Variants in CHRNA6 observed in about 807,000 individuals in gnomAD.
CHRNA6 encodes cholinergic receptor nicotinic alpha 6 subunit.
CHRNA6 carries 31 observed loss-of-function variants against 40.9 expected under a neutral mutation model. That is an observed-to-expected ratio of 0.76 (90% confidence interval 0.57 to 1.02). The LOEUF is 1.02. CHRNA6 is among the 50% of genes least tolerant of loss of function. The pLI is 0.00. For synonymous variants in CHRNA6, 222 were observed against 221.3 expected, an observed-to-expected ratio of 1.00 and a Z score of -0.03; for missense variants, 546 against 596.6, an observed-to-expected ratio of 0.92 and a Z score of 0.88.
chr8:42,753,389 G>C (rs1252710019), intron 5 of CHRNA6, 79 bp from the exon 6 acceptor site: 2 of 1,316,050 alleles, frequency 1.5e-6, no homozygotes, highest in Non-Finnish European at 2.1e-6. Flanking sequence ...TCAATAAGCT[G>C]CTTCTTTTTT....
intron 2 of CHRNA6, among the ~76,000 whole-genome samples, chr8:42,761,861 C>A (rs1050440321): frequency 2.6e-5 from 4 of 152,218 alleles, no homozygotes; most frequent in Admixed American, 2.6e-4. Context: ...CAAATGGACT[C>A]ATTTCTGGAG....
At chr8:42,766,846 A>T (rs1816982940) in intron 1 of CHRNA6, among the ~76,000 whole-genome samples, 1 of 152,248 alleles carries the variant, frequency 6.6e-6, no homozygotes, top group Non-Finnish European at 1.5e-5. Flanking sequence ...TTACCTATGT[A>T]ACAAAGCTGC....
At position 42,768,538 on chromosome 8, in the gene CHRNA6, C is replaced by T; in HGVS notation, c.-108G>A. 4.0e-6 allele frequency: 3 copies of T among 749,504 alleles called. No individual in the cohort carries two copies. 46.4% of individuals were successfully genotyped at this position (749,504 alleles called of 1,614,324 possible). On this transcript the variant is annotated 5_prime_UTR_variant, in exon 1 of 6. Transcript: ENST00000276410. ...CCTTGACATCATCAGAAGCCCACTG[C>T]AATCCGTGTGTGTCTTCTCAGAAAT... is the stretch of plus-strand genomic sequence containing the variant.
intron 5 of CHRNA6, among the ~76,000 whole-genome samples, chr8:42,755,269 A>ATGTTTGTT (rs111982947): frequency 0.33 from 48,889 of 148,126 alleles, 11,130 homozygotes; most frequent in African/African-American, 0.65. Flanking sequence ...GTTGCCCTGA[A>ATGTTTGTT]TGTTTGTTTG....
chr8:42,755,386 C>A (rs1816782244), intron 5 of CHRNA6, among the ~76,000 whole-genome samples: 1 of 152,124 alleles, frequency 6.6e-6, no homozygotes, highest in Non-Finnish European at 1.5e-5. Context: ...AAGCGATTCT[C>A]CTGCCTCAAC....
At chr8:42,764,819 A>G (rs1218547353) in intron 2 of CHRNA6, among the ~76,000 whole-genome samples, 1 of 152,162 alleles carries the variant, frequency 6.6e-6, no homozygotes, top group Non-Finnish European at 1.5e-5. Context: ...CCGTGAAGTT[A>G]GCTCCCTTTC....
At chr8:42,755,787 A>T in intron 5 of CHRNA6, 59 bp downstream of exon 5, 5 of 1,545,006 alleles carry the variant, frequency 3.2e-6, no homozygotes, top group Middle Eastern at 1.7e-4. Context: ...CTGTGCATCC[A>T]GAGTGCCCAT....
At chr8:42,765,348 C>T in intron 1 of CHRNA6, 144 bp from the exon 2 acceptor site, 1 of 832,292 alleles carries the variant, frequency 1.2e-6, no homozygotes. Context: ...CCTGTGCGTG[C>T]TCCACCAGTG....
Position 42,755,832 on chromosome 8 carries a change from G to A in CHRNA6, c.1353+14C>T, listed in dbSNP as rs773263212. The A allele has an allele frequency of 8.1e-6, 13 of 1,605,882 alleles. No homozygotes were observed. The African/African-American group carries it at 1.6e-4, about 20-fold the overall frequency. On this transcript the variant is annotated intron_variant, in intron 5 of 5. Transcript: ENST00000276410. Reference sequence around the variant, plus strand: ...AGGGTGCAAGCTGGCTGGGTGGAGGGAACACACATTTACCTCCTTGGTTTC... The same window carrying A: ...AGGGTGCAAGCTGGCTGGGTGGAGGAAACACACATTTACCTCCTTGGTTTC...
chr8:42,759,110 C>G lies in CHRNA6; in HGVS notation c.223G>C (p.Glu75Gln), dbSNP rs1384520170. Residue 75 changes from glutamate (E) to glutamine (Q), a missense_variant, in exon 3 of 6, where the codon GAA becomes CAA. By Grantham distance (29) the Glu-to-Gln change is conservative. This residue lies in a region of CHRNA6 where 476 missense variants were observed against 494.5 expected (regional missense o/e 0.96). Coordinates refer to ENST00000276410, the MANE Select transcript of CHRNA6 (RefSeq NM_004198.3). ...TTGGTTTCCATGATCTGGTTTACTT[C>G]ATCCTGGGAAGAAGAAATAATACTT... Reference protein sequence around the residue: ...VAITQLANVDEVNQIMETNLW... With the variant: ...VAITQLANVDQVNQIMETNLW... 1 of 1,612,722 alleles carries G rather than the reference C, an allele frequency of 6.2e-7. No individual in the cohort carries two copies. The highest frequency in any genetic ancestry group is 1.7e-5 in the Admixed American group (1 of 60,006).
intron 3 of CHRNA6, among the ~76,000 whole-genome samples, chr8:42,757,902 G>T (rs943188115): frequency 1.3e-5 from 2 of 151,752 alleles, no homozygotes; most frequent in African/African-American, 4.8e-5. Flanking sequence ...GGGCGTGGTG[G>T]CGGGCCCCTG....
rs147326892 is a variant in CHRNA6 at position 42,768,628 on chromosome 8, C to T, written c.-198G>A. On this transcript the variant is annotated 5_prime_UTR_variant, in exon 1 of 6. Transcript: ENST00000276410. ...CAGAGACTGAGGCAGACATGAAGGG[C>T]GAATAAAAAAGATTCGATCTGATGT... The T allele has an allele frequency of 6.0e-4, 286 of 474,804 alleles. No homozygotes were observed. The highest frequency in any genetic ancestry group is 4.8e-3 in the African/African-American group (251 of 51,958). The allele number at this position is 474,804 out of a possible 1,614,324, so 29.4% of individuals were successfully genotyped here. A position where few individuals can be genotyped will look rare whatever the true frequency, so the allele number is the denominator to read the frequency against.
At chr8:42,759,498 C>T in intron 2 of CHRNA6, 1 of 199,268 alleles carries the variant, frequency 5.0e-6, no homozygotes, top group Non-Finnish European at 1.1e-5. Context: ...CAACCCCGCA[C>T]AGTGTTTTTG....
rs146330757 is a variant in CHRNA6 at position 42,755,889 on chromosome 8, T to C, written c.1310A>G (p.Gln437Arg). Residue 437 changes from glutamine (Q) to arginine (R), a missense_variant, in exon 5 of 6, where the codon CAG becomes CGG. Around this residue, in one of 3 missense-constraint regions of CHRNA6, gnomAD observed 65 missense variants for 83.8 expected, o/e 0.78. Coordinates refer to ENST00000276410, the MANE Select transcript of CHRNA6 (RefSeq NM_004198.3). ...GCTCTTCATGTTTTCTGCTATGAAC[T>C]GAACACTGTTAATCACATCTTCAAC... ...PEVEDVINSV[Q>R]FIAENMKSHN... 111 of 1,614,136 alleles carry C rather than the reference T, an allele frequency of 6.9e-5. No homozygotes were observed. The highest frequency in any genetic ancestry group is 8.9e-5 in the Non-Finnish European group (105 of 1,180,038).
chr8:42,766,289 G>C (rs1056131903), intron 1 of CHRNA6, among the ~76,000 whole-genome samples: 4 of 152,082 alleles, frequency 2.6e-5, no homozygotes, highest in Non-Finnish European at 5.9e-5. Flanking sequence ...TCAGGAGATC[G>C]AGACCATCCT....
At chr8:42,765,731 C>T (rs1451778208) in intron 1 of CHRNA6, among the ~76,000 whole-genome samples, 2 of 152,180 alleles carry the variant, frequency 1.3e-5, no homozygotes, top group Non-Finnish European at 2.9e-5. Context: ...CTTCGCAAGT[C>T]ATGTTCTTTT....
At position 42,756,193 on chromosome 8, in the gene CHRNA6, T is replaced by C. The variant is rs199691486; in HGVS notation, c.1006A>G (p.Thr336Ala). 3.6e-5 allele frequency: 58 copies of C among 1,614,102 alleles called. No homozygotes were observed. The highest frequency in any genetic ancestry group is 4.5e-5 in the Non-Finnish European group (53 of 1,180,040). ...NIHYRTPTTH[T>A]MPRWVKTVFL... ...ACTGTCTTCACCCACCTGGGCATTG[T>C]GTGCGTGGTTGGGGTGCGGTAGTGT... Residue 336 changes from threonine to alanine, a missense_variant, in exon 5 of 6, where the codon ACA becomes GCA. Thr to Ala is a moderately conservative substitution (Grantham distance 58). Around this residue, in one of 3 missense-constraint regions of CHRNA6, gnomAD observed 476 missense variants for 494.5 expected, o/e 0.96. Transcript: ENST00000276410.
intron 5 of CHRNA6, among the ~76,000 whole-genome samples, chr8:42,753,578 G>A (rs548624438): frequency 2.8e-4 from 42 of 152,282 alleles, no homozygotes; most frequent in African/African-American, 9.6e-4. Context: ...GGAGTCTGAG[G>A]CAAGAGAATC....
In CHRNA6 at chr8:42,753,090, T is replaced by C. The variant is rs200410758; in HGVS notation, c.*89A>G. 7.9e-7 allele frequency: 1 copy of C among 1,267,544 alleles called. No individual in the cohort carries two copies. The highest frequency in any genetic ancestry group is 1.1e-6 in the Non-Finnish European group (1 of 913,834). The allele number at this position is 1,267,544 out of a possible 1,614,324, so 78.5% of individuals were successfully genotyped here. A position where few individuals can be genotyped will look rare whatever the true frequency, so the allele number is the denominator to read the frequency against. On this transcript the variant is annotated 3_prime_UTR_variant, in exon 6 of 6. Transcript: ENST00000276410. ...AGTTTTAGCAGATGGGGGACTTGGG[T>C]GGGAAGCCTTTGCTTTCCTTTCCTT...
Sources: gnomAD v4.1 joint callset for allele counts (sites outside exome capture counted in the v4.1 genomes callset) on GRCh38, gnomAD v4.1.1 for gene constraint, gnomAD v4.1.1 regional missense constraint, MANE v1.5 for transcripts, NCBI Gene and HGNC (gene_info 2026-07-23, HGNC 2026-07-21) for gene names.